PPP1R12B: variants seen among roughly 807,000 people sequenced by gnomAD.
PPP1R12B encodes myosin phosphatase target subunit 2.
A neutral mutation model predicts 126.1 loss-of-function variants in PPP1R12B; 76 were observed. That is an observed-to-expected ratio of 0.60 (90% CI 0.50 to 0.73). The LOEUF (loss-of-function observed/expected upper bound fraction) is 0.73. Among genes scored for constraint, PPP1R12B ranks in the 30% least tolerant of loss-of-function variants. The pLI is 0.00. For missense variants in PPP1R12B, 1,052 were observed against 1,205.1 expected (o/e 0.87, Z 1.88); for synonymous variants, 356 against 434.7 (o/e 0.82, Z 2.25).
chr1:202,493,704 CTG>C (rs1679184554), intron 15 of PPP1R12B, among the ~76,000 whole-genome samples: 1 of 152,204 alleles, frequency 6.6e-6, no homozygotes, highest in African/African-American at 2.4e-5. Flanking sequence ...TAACAACTCT[CTG>C]AGGTAAATAT....
In PPP1R12B at chr1:202,588,864, TAG is replaced by T. The variant is rs1491200554; in HGVS notation, c.*8306_*8307del. ...ATAGATAGATAGATAGATAGATAGA[TAG>T]ATAGATATCAAGGTTCCAAGCTTCA... On this transcript the variant is annotated 3_prime_UTR_variant, in exon 24 of 24. Transcript: ENST00000608999. 2.1e-5 allele frequency: 3 copies of T among 144,334 alleles called. No homozygotes were observed. The highest frequency in any genetic ancestry group is 8.6e-5 in the African/African-American group (3 of 34,976). 8.9% of individuals were successfully genotyped at this position (144,334 alleles called of 1,614,324 possible).
Position 202,449,037 on chromosome 1 carries a change from C to T in PPP1R12B, c.1716C>T (p.Asp572=). 1 of 1,613,894 alleles carries T rather than the reference C, an allele frequency of 6.2e-7. No homozygotes were observed. The highest frequency in any genetic ancestry group is 2.2e-5 in the East Asian group (1 of 44,858). ...ACACAACAGCAGAGAAAACAGCAGA[C>T]AATGTCTCTTCTAGCACCCCGCTCT... ...QADTTAEKTA[D]NVSSSTPLCV... The change falls in exon 13 of 24, where the codon GAC becomes GAT. Residue 572 remains aspartate (D), a synonymous_variant. Coordinates refer to ENST00000608999, the MANE Select transcript of PPP1R12B (RefSeq NM_002481.4).
At chr1:202,496,647 G>A (rs1679587036) in intron 17 of PPP1R12B, 134 bp from the exon 18 acceptor site, 8 of 691,646 alleles carry the variant, frequency 1.2e-5, no homozygotes, top group African/African-American at 1.1e-4. Context: ...CAGTAACAGA[G>A]CATCACTTGG....
intron 10 of PPP1R12B, chr1:202,439,168 G>A (rs1047422076): frequency 1.9e-5 from 30 of 1,576,824 alleles, no homozygotes; most frequent in Middle Eastern, 1.7e-4. Flanking sequence ...ACAACCTGGC[G>A]GCCTCGCAGC....
At chr1:202,561,255 C>G in intron 19 of PPP1R12B, among the ~76,000 whole-genome samples, 1 of 151,980 alleles carries the variant, frequency 6.6e-6, no homozygotes, top group East Asian at 1.9e-4. Flanking sequence ...GACAAAGGCA[C>G]TAAGGTTTAT....
chr1:202,481,871 AT>A (rs1455437576), intron 13 of PPP1R12B, among the ~76,000 whole-genome samples: 1 of 152,014 alleles, frequency 6.6e-6, no homozygotes, highest in African/African-American at 2.4e-5. Context: ...ACCTCTCCCC[AT>A]CCTTCTCTCA....
chr1:202,367,157 A>G (rs1356894752), intron 1 of PPP1R12B, among the ~76,000 whole-genome samples: 1 of 152,244 alleles, frequency 6.6e-6, no homozygotes, highest in East Asian at 1.9e-4. Flanking sequence ...TTTTAGAACA[A>G]TAAATGATTG....
Position 202,530,895 on chromosome 1 carries a change from A to T in PPP1R12B, c.2491-27982A>T, listed in dbSNP as rs1435341520. Among the ~76,000 whole-genome samples, 3 of 152,354 alleles carry T rather than the reference A, an allele frequency of 2.0e-5. No individual in the cohort carries two copies. In the East Asian group the frequency reaches 5.8e-4, roughly 29 times the overall value. Reference sequence around the variant, plus strand: ...TTTATTACACTGAAAGAATTGCGTGACTTTTCTCTGTTCTGCATTTTCTTA... The same window carrying T: ...TTTATTACACTGAAAGAATTGCGTGTCTTTTCTCTGTTCTGCATTTTCTTA... On this transcript the variant is annotated intron_variant, in intron 18 of 23. Transcript: ENST00000608999.
chr1:202,509,681 A>C (rs1387368102), intron 18 of PPP1R12B, among the ~76,000 whole-genome samples: 1 of 152,166 alleles, frequency 6.6e-6, no homozygotes, highest in Admixed American at 6.5e-5. Flanking sequence ...TTGTCATTTG[A>C]ATTCCTTAAT....
intron 18 of PPP1R12B, among the ~76,000 whole-genome samples, chr1:202,505,883 C>T (rs1160372284): frequency 1.3e-5 from 2 of 151,676 alleles, no homozygotes; most frequent in African/African-American, 2.4e-5. Context: ...AAAGATAGCT[C>T]GTCCCCAGAA....
At chr1:202,501,283 T>A (rs1346193211) in intron 18 of PPP1R12B, among the ~76,000 whole-genome samples, 1 of 152,220 alleles carries the variant, frequency 6.6e-6, no homozygotes, top group East Asian at 1.9e-4. Context: ...ATGTTTGCCC[T>A]GGAGGGAACA....
chr1:202,497,793 C>T (rs946318853), intron 18 of PPP1R12B, among the ~76,000 whole-genome samples: 19 of 152,032 alleles, frequency 1.2e-4, no homozygotes, highest in Non-Finnish European at 2.2e-4. Flanking sequence ...CCTTGGGGCA[C>T]GAGTGTGTGC....
chr1:202,551,527 A>AT (rs34230868), intron 18 of PPP1R12B, among the ~76,000 whole-genome samples: 63,542 of 150,072 alleles, frequency 0.42, 14,818 homozygotes, highest in East Asian at 0.7. Context: ...AAATTAAACC[A>AT]TTTTTTTTTT....
chr1:202,416,930 C>CTG lies in PPP1R12B; in HGVS notation c.422+22_422+23dup. ...TCAACATAGCAGAGTGAGTGAGTCT[C>CTG]TGTGTGTGTGGCTTTGTAGTATTTG... On this transcript the variant is annotated intron_variant, in intron 2 of 23. Coordinates refer to ENST00000608999, the MANE Select transcript of PPP1R12B (RefSeq NM_002481.4). 1.9e-6 allele frequency: 3 copies of CTG among 1,611,054 alleles called. No individual in the cohort carries two copies. Among genetic ancestry groups the CTG allele is most frequent in the Non-Finnish European group, 2.5e-6 (3 of 1,178,218 alleles).
chr1:202,508,576 A>G lies in PPP1R12B; in HGVS notation c.2490+11754A>G, dbSNP rs1225335015. ...TTAAAGGCAAACAACATGTTTGAGT[A>G]TTATGTCACCAAATAAAACATTGTA... On this transcript the variant is annotated intron_variant, in intron 18 of 23. Transcript: ENST00000608999. This position sits in a 1 kb window ranked among gnomAD's most constrained non-coding sequence, Gnocchi z 4.5. 6.6e-6 allele frequency among the ~76,000 whole-genome samples: 1 copy of G among 152,246 alleles called. No individual in the cohort carries two copies. The highest frequency in any genetic ancestry group is 1.5e-5 in the Non-Finnish European group (1 of 68,044).
chr1:202,503,795 TC>T, intron 18 of PPP1R12B, among the ~76,000 whole-genome samples: 1 of 151,972 alleles, frequency 6.6e-6, no homozygotes, highest in East Asian at 1.9e-4. Context: ...TTTTTTTTTT[TC>T]AAGGGCTATT....
chr1:202,434,540 G>A, intron 8 of PPP1R12B, 116 bp from the exon 9 acceptor site: 4 of 1,308,750 alleles, frequency 3.1e-6, no homozygotes, highest in Non-Finnish European at 4.1e-6. Context: ...GCATTACAGG[G>A]CCTTAATAAT....
chr1:202,529,203 T>C (rs1032223285), intron 18 of PPP1R12B, among the ~76,000 whole-genome samples: 3 of 152,090 alleles, frequency 2.0e-5, no homozygotes, highest in Non-Finnish European at 4.4e-5. Context: ...ACATTTACAT[T>C]GCATATGTCA....
chr1:202,368,012 C>T (rs1659550160), intron 1 of PPP1R12B, among the ~76,000 whole-genome samples: 1 of 151,856 alleles, frequency 6.6e-6, no homozygotes, highest in African/African-American at 2.4e-5. Flanking sequence ...TCTTGTTGCC[C>T]AAGCTGGAGT....
Sources: allele counts gnomAD v4.1 joint callset (sites outside exome capture counted in the v4.1 genomes callset), GRCh38; gene constraint gnomAD v4.1.1; non-coding constraint Gnocchi (gnomAD v3.1); transcripts MANE v1.5; gene names NCBI Gene and HGNC (gene_info 2026-07-23, HGNC 2026-07-21).